Variants in KDM2B observed in about 807,000 individuals in gnomAD.
KDM2B encodes lysine demethylase 2B.
Under a neutral mutation model 150.0 loss-of-function variants are expected in KDM2B, and 26 were observed. The ratio of observed to expected loss-of-function variants is 0.17; its 90% CI spans 0.13 to 0.24. The LOEUF (loss-of-function observed/expected upper bound fraction) is 0.24, where lower values mean the gene tolerates loss of function less well. Ranked by LOEUF, KDM2B falls within the 10% of genes least tolerant of loss-of-function variation. The pLI, the probability that KDM2B is intolerant of heterozygous loss-of-function variation, is 1.00. For missense variants in KDM2B, 1,265 were observed against 1,816.9 expected, an observed-to-expected ratio of 0.70 and a Z score of 5.52; for synonymous variants, 734 against 729.5, an observed-to-expected ratio of 1.01 and a Z score of -0.10.
intron 12 of KDM2B, among the ~76,000 whole-genome samples, chr12:121,461,211 G>C (rs1387347380): frequency 6.6e-6 from 1 of 152,162 alleles, no homozygotes; most frequent in African/African-American, 2.4e-5. Flanking sequence ...ATTCTAGGCA[G>C]AAGGAAGAAC....
Position 121,442,905 on chromosome 12 carries a change from C to A in KDM2B, c.2605-69G>T. 1 of 1,566,562 alleles carries A rather than the reference C, an allele frequency of 6.4e-7. No individual in the cohort carries two copies. Among genetic ancestry groups the A allele is most frequent in the Non-Finnish European group, 8.6e-7 (1 of 1,158,334 alleles). ...CTGCGCCCGCCCAAGGCCTCCCGCC[C>A]CCCTGCCACGGGACTGTGGCCCAGG... On this transcript the variant is annotated intron_variant, in intron 18 of 22. Coordinates refer to ENST00000377071, the MANE Select transcript of KDM2B (RefSeq NM_032590.5). The surrounding 1 kb of genome is among the most constrained non-coding windows in gnomAD (Gnocchi z 7.7).
Position 121,443,584 on chromosome 12 carries a change from G to A in KDM2B, c.2565+96C>T. The A allele has an allele frequency of 3.9e-6, 3 of 769,080 alleles. No homozygotes were observed. The South Asian group carries it at 4.2e-5, about 11-fold the overall frequency. The allele number at this position is 769,080 out of a possible 1,614,324, so 47.6% of individuals were successfully genotyped here. A position where few individuals can be genotyped will look rare whatever the true frequency, so the allele number is the denominator to read the frequency against. Reference sequence around the variant, plus strand: ...CGAGACCTGGGAAGCCTCAGGAGAGGCAGCAGTGGGGTGGAGGACCAGCGG... The same window carrying A: ...CGAGACCTGGGAAGCCTCAGGAGAGACAGCAGTGGGGTGGAGGACCAGCGG... On this transcript the variant is annotated intron_variant, in intron 17 of 22. Coordinates refer to ENST00000377071, the MANE Select transcript of KDM2B (RefSeq NM_032590.5).
At chr12:121,425,679 G>A (rs1872478906), downstream of KDM2B, among the ~76,000 whole-genome samples, 1 of 152,096 alleles carries the variant, frequency 6.6e-6, no homozygotes, top group Non-Finnish European at 1.5e-5. Flanking sequence ...AACCACAATT[G>A]GTAGTAACTG....
chr12:121,426,463 AAAGACAGAGTC>A, downstream of KDM2B, among the ~76,000 whole-genome samples: 1 of 103,054 alleles, frequency 9.7e-6, no homozygotes, highest in Admixed American at 1.0e-4. Context: ...TTTTTTTTTT[AAAGACAGAGTC>A]TTGCTGTTGC....
rs1038862292 is a variant in KDM2B, at chr12:121,452,455, G to C, written c.1959+665C>G. 1.5e-4 allele frequency among the ~76,000 whole-genome samples: 23 copies of C among 152,344 alleles called. No homozygotes were observed. Among genetic ancestry groups the C allele is most frequent in the Middle Eastern group, 3.4e-3 (1 of 294 alleles). On this transcript the variant is annotated intron_variant, in intron 13 of 22. Coordinates refer to ENST00000377071, the MANE Select transcript of KDM2B (RefSeq NM_032590.5). The surrounding 1 kb of genome is among the most constrained non-coding windows in gnomAD (Gnocchi z 4.4). Reference sequence around the variant, plus strand: ...GCCGAGGAATCCCGTCCCTCCAGCCGAGCCTGCTTTTCCACGGGGACTGGG... The same window carrying C: ...GCCGAGGAATCCCGTCCCTCCAGCCCAGCCTGCTTTTCCACGGGGACTGGG...
At chr12:121,448,459 G>A (rs57185007) in intron 13 of KDM2B, among the ~76,000 whole-genome samples, 47,760 of 151,358 alleles carry the variant, frequency 0.32, 9,018 homozygotes, top group East Asian at 0.43. Flanking sequence ...AGCTCTTTAG[G>A]GTCCTCATAA....
At chr12:121,431,881 T>TTC (rs1873099508) in intron 22 of KDM2B, among the ~76,000 whole-genome samples, 1 of 144,546 alleles carries the variant, frequency 6.9e-6, no homozygotes, top group African/African-American at 2.6e-5. Context: ...TCTTTTTTCT[T>TTC]TTTTTTTTTT....
At chr12:121,508,220 G>A (rs1885269744) in intron 11 of KDM2B, among the ~76,000 whole-genome samples, 1 of 152,014 alleles carries the variant, frequency 6.6e-6, no homozygotes, top group Non-Finnish European at 1.5e-5. Context: ...CAGAGTAGCT[G>A]GGACTACAGG....
chr12:121,483,871 G>A (rs1361062565), intron 12 of KDM2B, among the ~76,000 whole-genome samples: 2 of 152,014 alleles, frequency 1.3e-5, no homozygotes, highest in Non-Finnish European at 2.9e-5. Context: ...GTTTAGCAGA[G>A]GTTTGATTGA....
In KDM2B at chr12:121,442,992, CT is replaced by C; in HGVS notation, c.2603del (p.Lys868SerfsTer66). ...PGKEDKLFRK[K>X]RRSWKNAEDR... ...CACAGGAGGGAGGGGAAGATGGTACCTTTTTCCTGAAAAGCTTATCTTCTTT... is the reference window on the plus strand; with the variant it reads ...CACAGGAGGGAGGGGAAGATGGTACCTTTTCCTGAAAAGCTTATCTTCTTT... On this transcript the variant is annotated frameshift_variant and splice_region_variant, in exon 18 of 23. Coordinates refer to ENST00000377071, the MANE Select transcript of KDM2B (RefSeq NM_032590.5). LOFTEE classifies it high-confidence loss of function. The surrounding 1 kb of genome is among the most constrained non-coding windows in gnomAD (Gnocchi z 7.7). 1.2e-6 allele frequency: 2 copies of C among 1,613,388 alleles called. No homozygotes were observed. Among genetic ancestry groups the C allele is most frequent in the Non-Finnish European group, 8.5e-7 (1 of 1,179,720 alleles).
chr12:121,421,464 G>C, the KDM2B span, among the ~76,000 whole-genome samples: 2 of 151,456 alleles, frequency 1.3e-5, no homozygotes, highest in African/African-American at 4.9e-5. Context: ...GAGGGGGGAG[G>C]ATTGCTTGAG....
chr12:121,411,251 A>G, the KDM2B span, among the ~76,000 whole-genome samples: 1 of 152,086 alleles, frequency 6.6e-6, no homozygotes, highest in Non-Finnish European at 1.5e-5. Context: ...TTATTTTATA[A>G]TGAGGGCTAA....
chr12:121,460,430 G>A (rs61366445), intron 12 of KDM2B, among the ~76,000 whole-genome samples: 1,866 of 152,272 alleles, frequency 0.012, 29 homozygotes, highest in African/African-American at 0.043. Context: ...ACAGGGTCTC[G>A]CTCTGTCACC....
intron 12 of KDM2B, among the ~76,000 whole-genome samples, chr12:121,476,366 G>A (rs1881378568): frequency 6.6e-6 from 1 of 152,014 alleles, no homozygotes; most frequent in African/African-American, 2.4e-5. Context: ...TGAAGTGGGA[G>A]TACTGTTTGA....
rs781862061 is a variant in KDM2B, at chr12:121,429,374, A to G, written c.*914T>C. On this transcript the variant is annotated 3_prime_UTR_variant, in exon 23 of 23. Coordinates refer to ENST00000377071, the MANE Select transcript of KDM2B (RefSeq NM_032590.5). The stretch of plus-strand genomic sequence containing the variant: ...GAGAAGCAAAAGCAAAAGAAAGGCT[A>G]TGTGGGAGCATTTATTCTACGTCTT... 1 of 152,774 alleles carries G rather than the reference A, an allele frequency of 6.5e-6. No homozygotes were observed. Among genetic ancestry groups the G allele is most frequent in the Non-Finnish European group, 1.5e-5 (1 of 68,114 alleles). 9.5% of individuals were successfully genotyped at this position (152,774 alleles called of 1,614,324 possible). A position where few individuals can be genotyped will look rare whatever the true frequency, so the allele number is the denominator to read the frequency against.
At chr12:121,571,307 G>A in intron 4 of KDM2B, among the ~76,000 whole-genome samples, 1 of 144,384 alleles carries the variant, frequency 6.9e-6, no homozygotes, top group South Asian at 2.1e-4. Flanking sequence ...TTCTTTTTTT[G>A]GGAAAGAGTC....
At position 121,452,001 on chromosome 12, in the gene KDM2B, T is replaced by G. The variant is rs956464720; in HGVS notation, c.1959+1119A>C. ...AAATTGTCATATGCTTCAACATGGA[T>G]GAACCCTGAGGACTTTATGCTCAGG... On this transcript the variant is annotated intron_variant, in intron 13 of 22. Coordinates refer to ENST00000377071, the MANE Select transcript of KDM2B (RefSeq NM_032590.5). The surrounding 1 kb of genome is among the most constrained non-coding windows in gnomAD (Gnocchi z 4.4). Among the ~76,000 whole-genome samples, 4 of 152,062 alleles carry G rather than the reference T, an allele frequency of 2.6e-5. No homozygotes were observed. The highest frequency in any genetic ancestry group is 9.7e-5 in the African/African-American group (4 of 41,392).
chr12:121,431,872 C>CTTT (rs1314720348), intron 22 of KDM2B, among the ~76,000 whole-genome samples: 1 of 118,256 alleles, frequency 8.5e-6, no homozygotes, highest in African/African-American at 3.4e-5. Flanking sequence ...GGGTTTTTTT[C>CTTT]TTTTTTCTTT....
intron 22 of KDM2B, among the ~76,000 whole-genome samples, chr12:121,433,471 C>G (rs949220669): frequency 6.6e-6 from 1 of 152,216 alleles, no homozygotes; most frequent in Non-Finnish European, 1.5e-5. Flanking sequence ...CCTCCCACCT[C>G]AGCTTCCTGA....
Sources: gnomAD v4.1 joint callset for allele counts (sites outside exome capture counted in the v4.1 genomes callset) on GRCh38, gnomAD v4.1.1 for gene constraint, Gnocchi (gnomAD v3.1) non-coding constraint, MANE v1.5 for transcripts, NCBI Gene and HGNC (gene_info 2026-07-23, HGNC 2026-07-21) for gene names.